Variants in ITSN1 observed in about 807,000 individuals in gnomAD.
The protein encoded by ITSN1 is intersectin 1.
Under a neutral mutation model 239.8 loss-of-function variants are expected in ITSN1, and 58 were observed. That is an observed-to-expected ratio of 0.24 (90% CI 0.20 to 0.30). The LOEUF (loss-of-function observed/expected upper bound fraction) is 0.30, where lower values mean the gene tolerates loss of function less well. ITSN1 is among the 10% of genes least tolerant of loss of function. ITSN1 has a pLI of 1.00. For missense variants in ITSN1, 1,558 were observed against 2,103.3 expected (o/e 0.74, Z 5.07); for synonymous variants, 780 against 770.8 (o/e 1.01, Z -0.20).
chr21:33,789,387 G>A (rs1247354046), intron 16 of ITSN1, among the ~76,000 whole-genome samples: 3 of 152,072 alleles, frequency 2.0e-5, no homozygotes, highest in Non-Finnish European at 4.4e-5. Context: ...AATGTTATAT[G>A]TGAGCTAAAT....
chr21:33,643,459 G>A (rs1265880166), intron 1 of ITSN1: 2 of 152,048 alleles, frequency 1.3e-5, no homozygotes, highest in Admixed American at 6.5e-5. Flanking sequence ...AAAGGAAACC[G>A]GCGAGGAATC....
chr21:33,751,409 G>A (rs935304423), intron 6 of ITSN1, among the ~76,000 whole-genome samples: 2 of 152,196 alleles, frequency 1.3e-5, no homozygotes, highest in African/African-American at 4.8e-5. Flanking sequence ...ATCTGGCCAA[G>A]ACTACAGTTT....
intron 11 of ITSN1, 122 bp from the exon 12 acceptor site, chr21:33,771,939 A>G (rs1197233461): frequency 9.4e-7 from 1 of 1,068,726 alleles, no homozygotes; most frequent in Admixed American, 2.6e-5. Context: ...AGGACACAGA[A>G]GCTTAGGGAG....
chr21:33,883,810 T>C, intron 36 of ITSN1, 139 bp downstream of exon 36: 4 of 943,630 alleles, frequency 4.2e-6, no homozygotes, highest in Non-Finnish European at 6.0e-6. Context: ...GATGGGGCTA[T>C]TACTTTTTTC....
intron 29 of ITSN1, among the ~76,000 whole-genome samples, chr21:33,848,467 G>A (rs574882452): frequency 6.6e-6 from 1 of 152,272 alleles, no homozygotes; most frequent in East Asian, 1.9e-4. Context: ...TGTTATGGTC[G>A]CCTGAGCAGA....
At chr21:33,659,704 AC>A (rs2089393015) in intron 1 of ITSN1, among the ~76,000 whole-genome samples, 3 of 63,994 alleles carry the variant, frequency 4.7e-5, no homozygotes, top group Non-Finnish European at 9.0e-5. Context: ...AGCAGCCTGT[AC>A]TTTTTTTTTT....
rs77382188 is a variant in ITSN1, at chr21:33,781,067, G to A, written c.1597-394G>A. ...ATCAAAGTTCAGGATAGAGTAATAG[G>A]GTAGCTCCTATTTAGACCACTGAGT... is the stretch of plus-strand genomic sequence containing the variant. On this transcript the variant is annotated intron_variant, in intron 14 of 39. Transcript: ENST00000381318. Among the ~76,000 whole-genome samples the A allele has an allele frequency of 7.6e-3, 1,163 of 152,154 alleles. 16 individuals carry two copies. The highest frequency in any genetic ancestry group is 0.027 in the African/African-American group (1,106 of 41,500).
chr21:33,863,042 G>A (rs73352191), intron 31 of ITSN1, among the ~76,000 whole-genome samples: 99 of 152,286 alleles, frequency 6.5e-4, no homozygotes, highest in Middle Eastern at 3.4e-3. Flanking sequence ...TCAGCTCACC[G>A]CAAGCAGAGT....
chr21:33,893,904 C>G lies in ITSN1; in HGVS notation c.*5604C>G, dbSNP rs1220272292. 6.6e-6 allele frequency: 1 copy of G among 152,132 alleles called. No homozygotes were observed. Among genetic ancestry groups the G allele is most frequent in the Non-Finnish European group, 1.5e-5 (1 of 68,032 alleles). The allele number at this position is 152,132 out of a possible 1,614,324, so 9.4% of individuals were successfully genotyped here. Reference sequence around the variant, plus strand: ...ATGGAAACTTAGTCCACATGAAAGACAGAAGACATCTAACAGCTGTCTGTC... The same window carrying G: ...ATGGAAACTTAGTCCACATGAAAGAGAGAAGACATCTAACAGCTGTCTGTC... On this transcript the variant is annotated 3_prime_UTR_variant, in exon 40 of 40. Transcript: ENST00000381318.
intron 29 of ITSN1, among the ~76,000 whole-genome samples, chr21:33,855,432 AG>A (rs1310115050): frequency 6.6e-6 from 1 of 152,246 alleles, no homozygotes; most frequent in Non-Finnish European, 1.5e-5. Flanking sequence ...GGGAAGAACA[AG>A]TAAAGGGGAT....
intron 12 of ITSN1, among the ~76,000 whole-genome samples, chr21:33,774,007 AC>A (rs1266689316): frequency 2.0e-4 from 31 of 152,202 alleles, no homozygotes; most frequent in Non-Finnish European, 4.3e-4. Context: ...TCAGACAGAC[AC>A]TAACAAAATT....
At chr21:33,730,388 C>CTTTTTTTTTTT (rs71194863) in intron 4 of ITSN1, among the ~76,000 whole-genome samples, 12 of 49,368 alleles carry the variant, frequency 2.4e-4, no homozygotes, top group African/African-American at 4.8e-4. Flanking sequence ...GCTCTCTGTT[C>CTTTTTTTTTTT]TTTTTTTTTT....
intron 7 of ITSN1, 60 bp downstream of exon 7, chr21:33,751,966 A>C: frequency 9.3e-7 from 1 of 1,073,314 alleles, no homozygotes; most frequent in Non-Finnish European, 1.4e-6. Flanking sequence ...ATTAAATCAT[A>C]AATTTGACCA....
chr21:33,823,453 G>A, intron 24 of ITSN1, 34 bp from the exon 25 acceptor site: 2 of 1,589,326 alleles, frequency 1.3e-6, no homozygotes, highest in Non-Finnish European at 1.7e-6. Flanking sequence ...AAACAATCAA[G>A]CTCTCTCCGT....
At chr21:33,826,905 T>C in intron 26 of ITSN1, 42 bp downstream of exon 26, 1 of 1,528,366 alleles carries the variant, frequency 6.5e-7, no homozygotes, top group Non-Finnish European at 9.1e-7. Flanking sequence ...ATGTTTTGAA[T>C]GTAATTGATA....
intron 26 of ITSN1, among the ~76,000 whole-genome samples, chr21:33,827,354 T>TGCTCC (rs1286378652): frequency 6.6e-6 from 1 of 152,110 alleles, no homozygotes; most frequent in Non-Finnish European, 1.5e-5. Flanking sequence ...GAGCCGAGGT[T>TGCTCC]GCTCCACTTC....
In ITSN1 at chr21:33,677,158, A is replaced by T. The variant is rs187505447; in HGVS notation, c.-33+34445A>T. On this transcript the variant is annotated intron_variant, in intron 1 of 39. Transcript: ENST00000381318. ...GTACCCTAGAACTTAAAGTATAATTAAAAAAAAAGAGTTTGCCATGGAAGT... is the reference window on the plus strand; with the variant it reads ...GTACCCTAGAACTTAAAGTATAATTTAAAAAAAAGAGTTTGCCATGGAAGT... Among the ~76,000 whole-genome samples the T allele has an allele frequency of 3.9e-3, 596 of 151,336 alleles. 4 individuals carry two copies. Among genetic ancestry groups the T allele is most frequent in the African/African-American group, 0.013 (524 of 41,246 alleles).
chr21:33,837,908 CAGTCTCTTTTT>C lies in ITSN1; in HGVS notation c.3661+1284_3661+1294del, dbSNP rs2074682511. On this transcript the variant is annotated intron_variant, in intron 29 of 39. Transcript: ENST00000381318. Reference sequence around the variant, plus strand: ...AGGTCGTTACGATCAACGATATCCACAGTCTCTTTTTAGTCTCTGTTACATGAAGTTTTATT... The same window carrying C: ...AGGTCGTTACGATCAACGATATCCACAGTCTCTGTTACATGAAGTTTTATT... 4.1e-6 allele frequency: 4 copies of C among 985,830 alleles called. No homozygotes were observed. The Admixed American group carries it at 2.5e-4, about 61-fold the overall frequency. 61.1% of individuals were successfully genotyped at this position (985,830 alleles called of 1,614,324 possible).
intron 7 of ITSN1, chr21:33,754,151 G>A (rs1420110784): frequency 6.6e-6 from 1 of 152,008 alleles, no homozygotes; most frequent in Non-Finnish European, 1.5e-5. Context: ...GGTGGGAGTT[G>A]GAATCAGCAA....
Sources: gnomAD v4.1 joint callset for allele counts (sites outside exome capture counted in the v4.1 genomes callset) on GRCh38, gnomAD v4.1.1 for gene constraint, MANE v1.5 for transcripts, NCBI Gene and HGNC (gene_info 2026-07-23, HGNC 2026-07-21) for gene names.